Variants in SLC17A5 observed in about 807,000 individuals in gnomAD.
The protein encoded by SLC17A5 is sialin.
SLC17A5 carries 47 observed loss-of-function variants against 59.4 expected under a neutral mutation model. The observed-to-expected ratio is 0.79, with a 90% CI of 0.63 to 1.01. The LOEUF (loss-of-function observed/expected upper bound fraction) is 1.01. Ranked by LOEUF, SLC17A5 falls within the 50% of genes least tolerant of loss-of-function variation. The pLI is 0.00. For synonymous variants in SLC17A5, 202 were observed against 210.7 expected, an observed-to-expected ratio of 0.96 and a Z score of 0.36; for missense variants, 522 against 595.5, an observed-to-expected ratio of 0.88 and a Z score of 1.28.
At chr6:73,609,925 T>C (rs570174497) in intron 9 of SLC17A5, among the ~76,000 whole-genome samples, 1 of 152,238 alleles carries the variant, frequency 6.6e-6, no homozygotes, top group African/African-American at 2.4e-5. Flanking sequence ...GTTGAGAAGA[T>C]GAAATTGCTC....
At chr6:73,652,430 T>G (rs1311038731) in intron 1 of SLC17A5, among the ~76,000 whole-genome samples, 2 of 152,246 alleles carry the variant, frequency 1.3e-5, no homozygotes, top group East Asian at 3.8e-4. Flanking sequence ...GGATTTTAGC[T>G]ATTCTAGTGG....
chr6:73,652,850 T>A (rs1769933618), intron 1 of SLC17A5, among the ~76,000 whole-genome samples: 1 of 152,250 alleles, frequency 6.6e-6, no homozygotes, highest in Non-Finnish European at 1.5e-5. Flanking sequence ...CAAAGTCAAA[T>A]TTCCAACACA....
chr6:73,606,867 C>T lies in SLC17A5; in HGVS notation c.1259+3533G>A, dbSNP rs573501693. On this transcript the variant is annotated intron_variant, in intron 9 of 10. Coordinates refer to ENST00000355773, the MANE Select transcript of SLC17A5 (RefSeq NM_012434.5). ...TCATCTTTCTCCACCTTGTCCAAAA[C>T]GGCATCTATCATAGGAGGCCTGGCT... Among the ~76,000 whole-genome samples, 6 of 152,324 alleles carry T rather than the reference C, an allele frequency of 3.9e-5. No homozygotes were observed. The East Asian group carries it at 7.7e-4, about 20-fold the overall frequency.
In SLC17A5 at chr6:73,638,458, C is replaced by T; in HGVS notation, c.567G>A (p.Trp189Ter). 1 of 1,613,946 alleles carries T rather than the reference C, an allele frequency of 6.2e-7. No homozygotes were observed. Among genetic ancestry groups the T allele is most frequent in the Non-Finnish European group, 8.5e-7 (1 of 1,179,940 alleles). Residue 189 changes from tryptophan (W) to a stop codon, truncating the protein, a stop_gained, in exon 4 of 11, where the codon TGG becomes TGA. Coordinates refer to ENST00000355773, the MANE Select transcript of SLC17A5 (RefSeq NM_012434.5). LOFTEE classifies it high-confidence loss of function. ...FPAMHAMWSS[W>*]APPLERSKLL... Reference sequence around the variant, plus strand: ...GTTTGCTTCTTTCAAGAGGGGGAGCCCAAGAAGACCACATGGCATGCATGG... The same window carrying T: ...GTTTGCTTCTTTCAAGAGGGGGAGCTCAAGAAGACCACATGGCATGCATGG...
In SLC17A5 at chr6:73,594,607, G is replaced by T. The variant is rs1465250794; in HGVS notation, c.*470C>A. On this transcript the variant is annotated 3_prime_UTR_variant, in exon 11 of 11. Coordinates refer to ENST00000355773, the MANE Select transcript of SLC17A5 (RefSeq NM_012434.5). ...ACACTCCCCTCAGTCCAGTTGCCAG[G>T]CGAAATTATACAGTGGATGGCAGCT... is the stretch of plus-strand genomic sequence containing the variant. 5.2e-6 allele frequency: 1 copy of T among 190,908 alleles called. No individual in the cohort carries two copies. Among genetic ancestry groups the T allele is most frequent in the Admixed American group, 5.5e-5 (1 of 18,344 alleles). The allele number at this position is 190,908 out of a possible 1,614,324, so 11.8% of individuals were successfully genotyped here.
intron 2 of SLC17A5, among the ~76,000 whole-genome samples, chr6:73,643,185 G>A (rs568404272): frequency 1.5e-4 from 22 of 150,880 alleles, no homozygotes; most frequent in Non-Finnish European, 2.5e-4. Context: ...TTTTTGAGAC[G>A]GAATCTCGCT....
intron 1 of SLC17A5, chr6:73,645,321 T>C (rs1769486127): frequency 2.3e-5 from 23 of 985,276 alleles, no homozygotes; most frequent in Non-Finnish European, 2.8e-5. Context: ...TGGGTTTGAA[T>C]CAGAAGCCAT....
At chr6:73,647,799 G>C (rs1769651062) in intron 1 of SLC17A5, among the ~76,000 whole-genome samples, 2 of 152,230 alleles carry the variant, frequency 1.3e-5, no homozygotes, top group African/African-American at 4.8e-5. Context: ...CAGGCACGGT[G>C]GCTCACGCCT....
chr6:73,648,742 G>T (rs952581123), intron 1 of SLC17A5, among the ~76,000 whole-genome samples: 1 of 152,098 alleles, frequency 6.6e-6, no homozygotes, highest in Non-Finnish European at 1.5e-5. Flanking sequence ...TGATGGAGGG[G>T]ACAGTGGAGA....
chr6:73,642,963 G>A (rs1304193248), intron 2 of SLC17A5, among the ~76,000 whole-genome samples: 7 of 152,046 alleles, frequency 4.6e-5, no homozygotes, highest in African/African-American at 1.7e-4. Flanking sequence ...TGAGTGATGT[G>A]TACCCAAATG....
chr6:73,645,267 T>C, intron 1 of SLC17A5: 2 of 969,026 alleles, frequency 2.1e-6, no homozygotes, highest in Non-Finnish European at 2.5e-6. Context: ...GGGCATGAAA[T>C]TTCTCTTGAT....
chr6:73,629,928 C>G (rs1357588815), intron 6 of SLC17A5, among the ~76,000 whole-genome samples: 1 of 152,004 alleles, frequency 6.6e-6, no homozygotes, highest in Non-Finnish European at 1.5e-5. Flanking sequence ...GATCTTAAAG[C>G]ACTCGCTAGT....
At chr6:73,630,655 C>T (rs1158248668) in intron 6 of SLC17A5, among the ~76,000 whole-genome samples, 1 of 151,938 alleles carries the variant, frequency 6.6e-6, no homozygotes, top group Non-Finnish European at 1.5e-5. Flanking sequence ...TTGCCTTTAC[C>T]TTATGCACGA....
At chr6:73,651,072 G>C (rs960285936) in intron 1 of SLC17A5, among the ~76,000 whole-genome samples, 1 of 152,130 alleles carries the variant, frequency 6.6e-6, no homozygotes, top group African/African-American at 2.4e-5. Context: ...GAAAAGGAGC[G>C]GGGCAGGGGA....
intron 1 of SLC17A5, among the ~76,000 whole-genome samples, chr6:73,651,257 T>A (rs1234304506): frequency 6.6e-6 from 1 of 151,786 alleles, no homozygotes; most frequent in Admixed American, 6.6e-5. Context: ...GGTCAGAAGT[T>A]AGAGACCAGC....
Position 73,594,839 on chromosome 6 carries a change from C to G in SLC17A5, c.*238G>C, listed in dbSNP as rs1766722415. The G allele has an allele frequency of 1.9e-6, 1 of 520,348 alleles. No homozygotes were observed. Among genetic ancestry groups the G allele is most frequent in the Non-Finnish European group, 3.4e-6 (1 of 290,838 alleles). The allele number at this position is 520,348 out of a possible 1,614,324, so 32.2% of individuals were successfully genotyped here. ...AACTGTCCTACTTCATGTTGCCCGA[C>G]TAGCAGGCAGGTATGTGAACCTAAA... On this transcript the variant is annotated 3_prime_UTR_variant, in exon 11 of 11. Coordinates refer to ENST00000355773, the MANE Select transcript of SLC17A5 (RefSeq NM_012434.5).
chr6:73,601,219 C>T (rs1283932237), intron 9 of SLC17A5, among the ~76,000 whole-genome samples: 1 of 144,042 alleles, frequency 6.9e-6, no homozygotes, highest in African/African-American at 2.6e-5. Flanking sequence ...GTGAGGAGCG[C>T]CTCTGCCTGG....
intron 6 of SLC17A5, among the ~76,000 whole-genome samples, chr6:73,632,434 CTTTTTTTTTTTTTTT>C (rs1163170650): frequency 2.3e-5 from 2 of 86,766 alleles, no homozygotes; most frequent in Non-Finnish European, 4.6e-5. Context: ...GTAGAGAAAG[CTTTTTTTTTTTTTTT>C]TTTTTTTTTT....
rs1310540966 is a variant in SLC17A5, at chr6:73,650,205, A to AG, written c.94+3587_94+3588insC. On this transcript the variant is annotated intron_variant, in intron 1 of 10. Coordinates refer to ENST00000355773, the MANE Select transcript of SLC17A5 (RefSeq NM_012434.5). ...GTGAGACCTTTTTTCTACAAAAAAAAAAAAAAAAAAGAAAGAAAAAAAGGC... is the reference window on the plus strand; with the variant it reads ...GTGAGACCTTTTTTCTACAAAAAAAAGAAAAAAAAAAGAAAGAAAAAAAGGC... 2.4e-4 allele frequency among the ~76,000 whole-genome samples: 15 copies of AG among 61,578 alleles called. 1 individual carries two copies. The highest frequency in any genetic ancestry group is 5.9e-4 in the African/African-American group (15 of 25,222). 40.4% of individuals were successfully genotyped at this position (61,578 alleles called of 152,430 possible). A position where few individuals can be genotyped will look rare whatever the true frequency, so the allele number is the denominator to read the frequency against.
Sources: allele counts gnomAD v4.1 joint callset (sites outside exome capture counted in the v4.1 genomes callset), GRCh38; gene constraint gnomAD v4.1.1; transcripts MANE v1.5; gene names NCBI Gene and HGNC (gene_info 2026-07-23, HGNC 2026-07-21).